The following GSPT1 variants were observed in gnomAD, a reference collection of about 807,000 sequenced individuals.
GSPT1 encodes eukaryotic peptide chain release factor GTP-binding subunit ERF3A.
In GSPT1, 20 loss-of-function variants were observed where a neutral mutation model predicts 72.5. The ratio of observed to expected loss-of-function variants is 0.28; its 90% CI spans 0.19 to 0.40. The LOEUF (loss-of-function observed/expected upper bound fraction) is 0.40. GSPT1 is among the 10% of genes least tolerant of loss of function. The pLI is 1.00. For synonymous variants in GSPT1, 334 were observed against 293.5 expected (o/e 1.14, Z -1.41); for missense variants, 580 against 811.9 (o/e 0.71, Z 3.47).
At chr16:11,876,814 A>G (rs1244224055) in intron 12 of GSPT1, among the ~76,000 whole-genome samples, 2 of 152,186 alleles carry the variant, frequency 1.3e-5, no homozygotes, top group African/African-American at 2.4e-5. Context: ...CAAGGAACTA[A>G]GCTAATTTTT....
At chr16:11,894,845 C>G in intron 5 of GSPT1, 109 bp downstream of exon 5, 2 of 669,840 alleles carry the variant, frequency 3.0e-6, no homozygotes, top group Non-Finnish European at 2.6e-6. Flanking sequence ...TTTAATTTTT[C>G]TTTGGGGGAC....
chr16:11,874,180 T>C (rs2141270772), intron 14 of GSPT1, among the ~76,000 whole-genome samples: 1 of 152,310 alleles, frequency 6.6e-6, no homozygotes, highest in Admixed American at 6.5e-5. Context: ...AATGTTCTAA[T>C]ATTAGTATAT....
At chr16:11,897,517 G>A (rs113837196) in intron 3 of GSPT1, among the ~76,000 whole-genome samples, 1,738 of 152,212 alleles carry the variant, frequency 0.011, 14 homozygotes, top group Non-Finnish European at 0.016. Context: ...CCTGGGAGGC[G>A]GAGGTTGCAG....
chr16:11,896,991 G>A (rs895652445), intron 3 of GSPT1, among the ~76,000 whole-genome samples: 1 of 152,120 alleles, frequency 6.6e-6, no homozygotes, highest in Non-Finnish European at 1.5e-5. Context: ...CACATCAGAG[G>A]GCACTGACTC....
chr16:11,903,834 C>T (rs933079769), intron 1 of GSPT1: 1 of 152,240 alleles, frequency 6.6e-6, no homozygotes, highest in Non-Finnish European at 1.5e-5. Context: ...AACTATTAGC[C>T]CACATATTCA....
upstream of GSPT1, chr16:11,916,151 T>G: frequency 5.5e-6 from 2 of 361,990 alleles, no homozygotes; most frequent in East Asian, 1.2e-4. Context: ...GCTGCGGTTT[T>G]CCCGGGGGCC....
intron 4 of GSPT1, chr16:11,895,644 G>GA (rs2141300489): frequency 6.6e-6 from 1 of 151,106 alleles, no homozygotes; most frequent in African/African-American, 2.4e-5. Flanking sequence ...TTTTCCCCAC[G>GA]AGACGGAATC....
chr16:11,906,196 C>T (rs1240027494), intron 1 of GSPT1, among the ~76,000 whole-genome samples: 1 of 152,140 alleles, frequency 6.6e-6, no homozygotes, highest in African/African-American at 2.4e-5. Context: ...TGAGCCACCA[C>T]AACTGGCCTC....
rs906724442 is a variant in GSPT1 at position 11,877,995 on chromosome 16, C to T, written c.1429-415G>A. 1.1e-4 allele frequency among the ~76,000 whole-genome samples: 16 copies of T among 152,176 alleles called. No homozygotes were observed. The highest frequency in any genetic ancestry group is 9.2e-4 in the Admixed American group (14 of 15,274). ...TCAATCTCCAAATATCGGAATTATGCACTACTTAAAAATTATTGAACTAAG... is the reference window on the plus strand; with the variant it reads ...TCAATCTCCAAATATCGGAATTATGTACTACTTAAAAATTATTGAACTAAG... On this transcript the variant is annotated intron_variant, in intron 11 of 14. Coordinates refer to ENST00000434724, the MANE Select transcript of GSPT1 (RefSeq NM_002094.4). The surrounding 1 kb of genome is among the most constrained non-coding windows in gnomAD (Gnocchi z 4.0).
At position 11,910,800 on chromosome 16, in the gene GSPT1, G is replaced by C. The variant is rs552817582; in HGVS notation, c.352+4569C>G. 7.9e-5 allele frequency among the ~76,000 whole-genome samples: 12 copies of C among 152,320 alleles called. No homozygotes were observed. The East Asian group carries it at 2.3e-3, about 29-fold the overall frequency. On this transcript the variant is annotated intron_variant, in intron 1 of 14. Transcript: ENST00000434724. ...AGAAGAATGCAATAAGATATGTACT[G>C]ACAGCACTACGTAATACCTGCTCCA...
intron 1 of GSPT1, among the ~76,000 whole-genome samples, chr16:11,899,156 T>G (rs1197446778): frequency 6.6e-6 from 1 of 152,196 alleles, no homozygotes; most frequent in Non-Finnish European, 1.5e-5. Context: ...ATATGAATCA[T>G]GCACAGCAAG....
Position 11,872,140 on chromosome 16 carries a change from G to A in GSPT1, c.*979C>T, listed in dbSNP as rs530965871. On this transcript the variant is annotated 3_prime_UTR_variant, in exon 15 of 15. Coordinates refer to ENST00000434724, the MANE Select transcript of GSPT1 (RefSeq NM_002094.4). ...TGAGTAACTTGTAGAAGTGGCACTT[G>A]CAACTGATACGGTTTTCATACTAGA... The A allele has an allele frequency of 1.6e-4, 25 of 152,248 alleles. No homozygotes were observed. Among genetic ancestry groups the A allele is most frequent in the African/African-American group, 5.3e-4 (22 of 41,540 alleles). 9.4% of individuals were successfully genotyped at this position (152,248 alleles called of 1,614,324 possible). A position where few individuals can be genotyped will look rare whatever the true frequency, so the allele number is the denominator to read the frequency against.
Position 11,915,530 on chromosome 16 carries a change from G to A in GSPT1, c.191C>T (p.Ala64Val). ...AEAQRENLSA[A>V]FSRQLNVNAK... Reference sequence around the variant, plus strand: ...GTTGACGTTGAGTTGCCGGCTGAAGGCCGCGCTGAGGTTCTCCCGCTGGGC... The same window carrying A: ...GTTGACGTTGAGTTGCCGGCTGAAGACCGCGCTGAGGTTCTCCCGCTGGGC... The change falls in exon 1 of 15, where the codon GCC becomes GTC. Residue 64 changes from alanine to valine, a missense_variant. Physicochemically the swap from Ala to Val is moderately conservative, Grantham distance 64. This residue lies in a region of GSPT1 where 327 missense variants were observed against 298.8 expected (regional missense o/e 1.09). Transcript: ENST00000434724. The A allele has an allele frequency of 6.6e-7, 1 of 1,518,938 alleles. No homozygotes were observed. Among genetic ancestry groups the A allele is most frequent in the Non-Finnish European group, 8.8e-7 (1 of 1,134,472 alleles). The allele number at this position is 1,518,938 out of a possible 1,614,324, so 94.1% of individuals were successfully genotyped here.
rs2053956717 is a variant in GSPT1, at chr16:11,869,616, A to C, written c.*3503T>G. ...AAGTTGCCTGATGTTAAGACCTGTA[A>C]TAAAACTGCGTATTTTCCCCTTGAC... On this transcript the variant is annotated 3_prime_UTR_variant, in exon 15 of 15. Transcript: ENST00000434724. 2 of 152,244 alleles carry C rather than the reference A, an allele frequency of 1.3e-5. 1 individual carries two copies. The highest frequency in any genetic ancestry group is 2.9e-5 in the Non-Finnish European group (2 of 68,054). The allele number at this position is 152,244 out of a possible 1,614,324, so 9.4% of individuals were successfully genotyped here. A position where few individuals can be genotyped will look rare whatever the true frequency, so the allele number is the denominator to read the frequency against.
chr16:11,894,464 A>G (rs2054309639), intron 5 of GSPT1, among the ~76,000 whole-genome samples: 1 of 152,158 alleles, frequency 6.6e-6, no homozygotes. Context: ...TGAATGAGGA[A>G]AAAACAGTTC....
At chr16:11,887,481 A>G in intron 7 of GSPT1, 89 bp downstream of exon 7, 2 of 1,068,640 alleles carry the variant, frequency 1.9e-6, no homozygotes, top group South Asian at 2.8e-5. Context: ...TGCAACCTGA[A>G]TTTGAGCTTT....
intron 1 of GSPT1, among the ~76,000 whole-genome samples, chr16:11,914,746 A>G (rs771384310): frequency 6.6e-6 from 1 of 152,236 alleles, no homozygotes; most frequent in Non-Finnish European, 1.5e-5. Context: ...AAACTTTAGA[A>G]GCGTACACAA....
chr16:11,885,779 C>T (rs959669313), intron 9 of GSPT1, among the ~76,000 whole-genome samples: 3 of 152,022 alleles, frequency 2.0e-5, no homozygotes, highest in African/African-American at 2.4e-5. Flanking sequence ...ACAGTCCCTA[C>T]GACTTGGGAG....
At chr16:11,902,195 A>T (rs757555954) in intron 1 of GSPT1, among the ~76,000 whole-genome samples, 13 of 151,800 alleles carry the variant, frequency 8.6e-5, no homozygotes, top group Non-Finnish European at 1.9e-4. Context: ...ATCCTGGCTA[A>T]CATGGTGAAA....
Sources: allele counts gnomAD v4.1 joint callset (sites outside exome capture counted in the v4.1 genomes callset), GRCh38; gene constraint gnomAD v4.1.1; regional missense constraint gnomAD v4.1.1; non-coding constraint Gnocchi (gnomAD v3.1); transcripts MANE v1.5; gene names NCBI Gene and HGNC (gene_info 2026-07-23, HGNC 2026-07-21).